Variants in CABP1 observed in about 807,000 individuals in gnomAD.
CABP1 encodes the protein calcium binding protein 1.
Under a neutral mutation model 34.3 loss-of-function variants are expected in CABP1, and 17 were observed. The ratio of observed to expected loss-of-function variants is 0.50; its 90% confidence interval spans 0.34 to 0.74. The LOEUF (loss-of-function observed/expected upper bound fraction) is 0.74. Ranked by LOEUF, CABP1 falls within the 30% of genes least tolerant of loss-of-function variation. The pLI, the probability that CABP1 is intolerant of heterozygous loss-of-function variation, is 0.01. For missense variants in CABP1, 373 were observed against 511.1 expected (o/e 0.73, Z 2.61); for synonymous variants, 198 against 229.2 (o/e 0.86, Z 1.23).
chr12:120,662,168 T>C (rs1880690452), intron 5 of CABP1: 1 of 152,266 alleles, frequency 6.6e-6, no homozygotes, highest in African/African-American at 2.4e-5. Flanking sequence ...CCATCCACGG[T>C]AGGTGTTTTC....
At chr12:120,659,383 C>CG (rs1880474714) in intron 1 of CABP1, 1 of 153,828 alleles carries the variant, frequency 6.5e-6, no homozygotes, top group Admixed American at 6.5e-5. Context: ...CCTGCTCTTC[C>CG]TGTTTCATTG....
intron 1 of CABP1, chr12:120,655,960 A>G (rs768009622): frequency 5.8e-6 from 9 of 1,545,054 alleles, no homozygotes; most frequent in South Asian, 3.5e-5. Context: ...GTGCACGCTC[A>G]GGGCTCTCTG....
At chr12:120,665,748 G>A (rs578087938) in intron 5 of CABP1, among the ~76,000 whole-genome samples, 59 of 152,004 alleles carry the variant, frequency 3.9e-4, no homozygotes, top group African/African-American at 1.4e-3. Flanking sequence ...GAGGCCCGGC[G>A]CGGTGGCTCA....
At chr12:120,666,206 A>T (rs1343044824) in intron 5 of CABP1, among the ~76,000 whole-genome samples, 1 of 147,550 alleles carries the variant, frequency 6.8e-6, no homozygotes, top group Non-Finnish European at 1.5e-5. Context: ...TCTACATTAA[A>T]AAAAAAAAAA....
At chr12:120,674,066 C>G in the CABP1 span, among the ~76,000 whole-genome samples, 2 of 152,132 alleles carry the variant, frequency 1.3e-5, no homozygotes, top group African/African-American at 4.8e-5. Flanking sequence ...AATCTGTGGT[C>G]CCAGCTACTC....
chr12:120,663,014 G>A (rs1010779229), intron 5 of CABP1, among the ~76,000 whole-genome samples: 1 of 152,090 alleles, frequency 6.6e-6, no homozygotes, highest in African/African-American at 2.4e-5. Flanking sequence ...GCTAAGTTCT[G>A]TTAGCCCAAG....
At chr12:120,654,886 T>C (rs953421242) in intron 1 of CABP1, among the ~76,000 whole-genome samples, 1 of 152,124 alleles carries the variant, frequency 6.6e-6, no homozygotes, top group Non-Finnish European at 1.5e-5. Context: ...GGAGCACAGC[T>C]ATATTAGGTA....
downstream of CABP1, among the ~76,000 whole-genome samples, chr12:120,668,185 G>C (rs970213629): frequency 2.2e-4 from 33 of 148,052 alleles, no homozygotes; most frequent in Non-Finnish European, 4.8e-4. Flanking sequence ...CAGTGTGTGC[G>C]GACAGACAGA....
Position 120,660,455 on chromosome 12 carries a change from G to GTAAGA in CABP1, c.829+116_829+117insTAAGA. 8.5e-7 allele frequency: 1 copy of GTAAGA among 1,182,462 alleles called. No homozygotes were observed. The highest frequency in any genetic ancestry group is 1.2e-6 in the Non-Finnish European group (1 of 847,076). 73.2% of individuals were successfully genotyped at this position (1,182,462 alleles called of 1,614,324 possible). On this transcript the variant is annotated intron_variant, in intron 3 of 5. Coordinates refer to ENST00000316803, the MANE Select transcript of CABP1 (RefSeq NM_001033677.2). The surrounding 1 kb of genome is among the most constrained non-coding windows in gnomAD (Gnocchi z 5.0). The stretch of plus-strand genomic sequence containing the variant: ...CACCTCTTACCAGCTCTGTGATCTG[G>GTAAGA]GGCCAACCACTTACCCTCTCTGAGC...
At chr12:120,680,379 C>T in the CABP1 span, among the ~76,000 whole-genome samples, 1 of 152,176 alleles carries the variant, frequency 6.6e-6, no homozygotes. Context: ...GAACCCAGCT[C>T]TGTCTGACCC....
At chr12:120,645,297 G>T (rs1179865780) in intron 1 of CABP1, among the ~76,000 whole-genome samples, 1 of 152,188 alleles carries the variant, frequency 6.6e-6, no homozygotes, top group African/African-American at 2.4e-5. Context: ...GAGGGAAAGT[G>T]AGGGTCAGCT....
At chr12:120,643,656 C>T (rs544434123) in intron 1 of CABP1, among the ~76,000 whole-genome samples, 1 of 152,256 alleles carries the variant, frequency 6.6e-6, no homozygotes, top group African/African-American at 2.4e-5. Context: ...GTCTGGAAAT[C>T]CTGGGCTCAA....
downstream of CABP1, among the ~76,000 whole-genome samples, chr12:120,670,641 G>A (rs563356624): frequency 2.0e-5 from 3 of 152,164 alleles, no homozygotes; most frequent in Non-Finnish European, 4.4e-5. Flanking sequence ...CCAGCTATAC[G>A]GGAGGCTGAA....
At chr12:120,671,154 C>G (rs1396017159), downstream of CABP1, among the ~76,000 whole-genome samples, 4 of 152,146 alleles carry the variant, frequency 2.6e-5, no homozygotes, top group Non-Finnish European at 5.9e-5. Flanking sequence ...GCCTGCAATC[C>G]CAGCACTTCG....
At chr12:120,676,872 G>A in the CABP1 span, among the ~76,000 whole-genome samples, 3 of 152,132 alleles carry the variant, frequency 2.0e-5, no homozygotes, top group Non-Finnish European at 4.4e-5. Flanking sequence ...GGATAGTAAA[G>A]ACCCTCCTGG....
At chr12:120,666,743 A>G in intron 5 of CABP1, 132 bp from the exon 6 acceptor site, 2 of 957,072 alleles carry the variant, frequency 2.1e-6, no homozygotes, top group South Asian at 2.9e-5. Context: ...GTGTCCATGG[A>G]TTGGAGAGGG....
chr12:120,642,281 G>C (rs1334312669), intron 1 of CABP1, among the ~76,000 whole-genome samples: 1 of 152,132 alleles, frequency 6.6e-6, no homozygotes, highest in Non-Finnish European at 1.5e-5. Flanking sequence ...TAGAGCGTTT[G>C]CGTGGTTTGT....
Position 120,641,613 on chromosome 12 carries a change from G to T in CABP1, c.654+274G>T. 2.9e-6 allele frequency: 1 copy of T among 344,386 alleles called. No individual in the cohort carries two copies. The highest frequency in any genetic ancestry group is 5.2e-6 in the Non-Finnish European group (1 of 191,982). The allele number at this position is 344,386 out of a possible 1,614,324, so 21.3% of individuals were successfully genotyped here. On this transcript the variant is annotated intron_variant, in intron 1 of 5. Transcript: ENST00000316803. This position sits in a 1 kb window ranked among gnomAD's most constrained non-coding sequence, Gnocchi z 6.7. ...CCGCCAGAACCCGCCAGTCCTGGAAGAGAGCGACCTCTACGACCGTCCTGG... is the reference window on the plus strand; with the variant it reads ...CCGCCAGAACCCGCCAGTCCTGGAATAGAGCGACCTCTACGACCGTCCTGG...
Position 120,650,330 on chromosome 12 carries a change from C to T in CABP1, c.654+8991C>T, listed in dbSNP as rs980072640. On this transcript the variant is annotated intron_variant, in intron 1 of 5. Coordinates refer to ENST00000316803, the MANE Select transcript of CABP1 (RefSeq NM_001033677.2). ...TGGTTCCCCTCTGCCATCAGCTCTC[C>T]AGGTGACTTTCCCTGTGCCCTGCAC... 3 of 509,222 alleles carry T rather than the reference C, an allele frequency of 5.9e-6. No individual in the cohort carries two copies. The Admixed American group carries it at 1.2e-4, about 20-fold the overall frequency. 31.5% of individuals were successfully genotyped at this position (509,222 alleles called of 1,614,324 possible).
Sources: allele counts gnomAD v4.1 joint callset (sites outside exome capture counted in the v4.1 genomes callset), GRCh38; gene constraint gnomAD v4.1.1; non-coding constraint Gnocchi (gnomAD v3.1); transcripts MANE v1.5; gene names NCBI Gene and HGNC (gene_info 2026-07-23, HGNC 2026-07-21).